Variants in TICAM1 observed in about 807,000 individuals in gnomAD.
The protein encoded by TICAM1 is TIR domain containing adaptor molecule 1.
For synonymous variants in TICAM1, 439 were observed against 415.4 expected (o/e 1.06, Z -0.69); for missense variants, 895 against 938.2 (o/e 0.95, Z 0.60).
chr19:4,823,090 T>C (rs978258159), intron 1 of TICAM1, among the ~76,000 whole-genome samples: 24 of 152,062 alleles, frequency 1.6e-4, no homozygotes, highest in African/African-American at 5.8e-4. Context: ...GAGGTGGAGG[T>C]GAGCTGATCA....
In TICAM1 at chr19:4,817,477, G is replaced by T. The variant is rs1386215939; in HGVS notation, c.901C>A (p.Pro301Thr). The change falls in exon 2 of 2, where the codon CCA becomes ACA. Residue 301 changes from proline (P) to threonine (T), a missense_variant. By Grantham distance (38) the Pro-to-Thr change is conservative. Transcript: ENST00000248244. The surrounding 1 kb of genome is among the most constrained non-coding windows in gnomAD (Gnocchi z 4.7). Reference protein sequence around the residue: ...PAAPETSTNYPVECTEGSAGP... With the variant: ...PAAPETSTNYTVECTEGSAGP... ...GCAGACCCCTCGGTGCACTCCACTG[G>T]GTAGTTGGTGCTGGTTTCTGGAGCT... is the stretch of plus-strand genomic sequence containing the variant. The T allele has an allele frequency of 6.2e-7, 1 of 1,614,110 alleles. No individual in the cohort carries two copies. The highest frequency in any genetic ancestry group is 1.7e-4 in the Middle Eastern group (1 of 6,042).
intron 1 of TICAM1, among the ~76,000 whole-genome samples, chr19:4,830,285 A>G (rs945822786): frequency 1.3e-5 from 2 of 151,792 alleles, no homozygotes; most frequent in African/African-American, 4.8e-5. Flanking sequence ...ACAGAGTCTC[A>G]CCCATGTTAC....
intron 1 of TICAM1, among the ~76,000 whole-genome samples, chr19:4,825,733 G>GGATCACCTGAGTTT (rs1275851647): frequency 1.3e-5 from 2 of 151,910 alleles, no homozygotes; most frequent in East Asian, 3.9e-4. Context: ...TGAGGCAGGT[G>GGATCACCTGAGTTT]GATCACCTGA....
chr19:4,817,420 C>G lies in TICAM1; in HGVS notation c.958G>C (p.Glu320Gln), dbSNP rs1334463581. The G allele has an allele frequency of 6.2e-7, 1 of 1,613,850 alleles. No homozygotes were observed. Among genetic ancestry groups the G allele is most frequent in the African/African-American group, 1.3e-5 (1 of 74,860 alleles). Residue 320 changes from glutamate (E) to glutamine (Q), a missense_variant, in exon 2 of 2, where the codon GAG becomes CAG. Glu to Gln is a conservative substitution (Grantham distance 29). Coordinates refer to ENST00000248244, the MANE Select transcript of TICAM1 (RefSeq NM_182919.4). The surrounding 1 kb of genome is among the most constrained non-coding windows in gnomAD (Gnocchi z 4.7). Reference protein sequence around the residue: ...GPQSLPLPILEPVKNPCSVKD... With the variant: ...GPQSLPLPILQPVKNPCSVKD... ...ACAGAGCAGGGGTTTTTGACCGGCTCCAGAATAGGCAAGGGGAGAGACTGG... is the reference window on the plus strand; with the variant it reads ...ACAGAGCAGGGGTTTTTGACCGGCTGCAGAATAGGCAAGGGGAGAGACTGG...
chr19:4,816,720 C>G lies in TICAM1; in HGVS notation c.1658G>C (p.Ser553Thr). The change falls in exon 2 of 2, where the codon AGC becomes ACC. Residue 553 changes from serine to threonine, a missense_variant. Ser to Thr is a moderately conservative substitution (Grantham distance 58, BLOSUM62 1). Transcript: ENST00000248244. The surrounding 1 kb of genome is among the most constrained non-coding windows in gnomAD (Gnocchi z 4.3). ...CATCCGCTCACCGTCCAGGTGTTGG[C>G]TCTGTTCCCGCAGGGCTCGGGTGTC... ...EQDTRALREQSQHLDGERMQA... is the reference protein window; with the variant it reads ...EQDTRALREQTQHLDGERMQA... The G allele has an allele frequency of 6.2e-7, 1 of 1,614,010 alleles. No individual in the cohort carries two copies.
In TICAM1 at chr19:4,818,282, G is replaced by A; in HGVS notation, c.96C>T (p.Thr32=). The change falls in exon 2 of 2, where the codon ACC becomes ACT. Residue 32 remains threonine, a synonymous_variant. Transcript: ENST00000248244. This position sits in a 1 kb window ranked among gnomAD's most constrained non-coding sequence, Gnocchi z 4.0. ...CCTGCCCCTGGCAGCCTGGGCGTGGGGTCTTCAGTTTGTGCTTCAGATACA... is the reference window on the plus strand; with the variant it reads ...CCTGCCCCTGGCAGCCTGGGCGTGGAGTCTTCAGTTTGTGCTTCAGATACA... The part of the protein sequence containing the change: ...KLLYLKHKLK[T]PRPGCQGQDL... 1 of 1,612,866 alleles carries A rather than the reference G, an allele frequency of 6.2e-7. No homozygotes were observed. The highest frequency in any genetic ancestry group is 8.5e-7 in the Non-Finnish European group (1 of 1,179,992).
At chr19:4,825,289 A>G (rs1416609560) in intron 1 of TICAM1, among the ~76,000 whole-genome samples, 1 of 152,038 alleles carries the variant, frequency 6.6e-6, no homozygotes, top group East Asian at 1.9e-4. Flanking sequence ...TAAAACAACA[A>G]CAACAAAAAA....
intron 1 of TICAM1, among the ~76,000 whole-genome samples, chr19:4,829,439 C>T (rs906811384): frequency 7.1e-6 from 1 of 141,496 alleles, no homozygotes; most frequent in Non-Finnish European, 1.5e-5. Flanking sequence ...CTTCTCGAGA[C>T]CCAGCAAGTT....
At chr19:4,828,475 A>G (rs2093609062) in intron 1 of TICAM1, among the ~76,000 whole-genome samples, 1 of 151,474 alleles carries the variant, frequency 6.6e-6, no homozygotes, top group South Asian at 2.1e-4. Context: ...GGCCTCCCAA[A>G]GTGCTGGGAT....
rs1191128066 is a variant in TICAM1 at position 4,823,354 on chromosome 19, A to AC, written c.-139-4839dup. Reference sequence around the variant, plus strand: ...GTGGCGGGCGCCTGTAGTCCCAGCTACTCGGGAGGCTGAGGCAGGAGAATG... The same window carrying AC: ...GTGGCGGGCGCCTGTAGTCCCAGCTACCTCGGGAGGCTGAGGCAGGAGAATG... On this transcript the variant is annotated intron_variant, in intron 1 of 1. Coordinates refer to ENST00000248244, the MANE Select transcript of TICAM1 (RefSeq NM_182919.4). Among the ~76,000 whole-genome samples, 3 of 151,802 alleles carry AC rather than the reference A, an allele frequency of 2.0e-5. No individual in the cohort carries two copies. The Admixed American group carries it at 2.0e-4, about 10-fold the overall frequency.
rs1248957351 is a variant in TICAM1 at position 4,818,604 on chromosome 19, G to A, written c.-139-88C>T. 15 of 864,696 alleles carry A rather than the reference G, an allele frequency of 1.7e-5. No homozygotes were observed. In the Admixed American group the frequency reaches 1.9e-4, roughly 11 times the overall value. The allele number at this position is 864,696 out of a possible 1,614,324, so 53.6% of individuals were successfully genotyped here. On this transcript the variant is annotated intron_variant, in intron 1 of 1. Coordinates refer to ENST00000248244, the MANE Select transcript of TICAM1 (RefSeq NM_182919.4). The surrounding 1 kb of genome is among the most constrained non-coding windows in gnomAD (Gnocchi z 4.0). ...CCACACACCCCCGCCTGCTTTCCCC[G>A]CCTGCCACCCAGACCTAGCCAGGTG...
rs2093584360 is a variant in TICAM1, at chr19:4,816,157, G to A, written c.*82C>T. 15 of 1,436,204 alleles carry A rather than the reference G, an allele frequency of 1.0e-5. No homozygotes were observed. The highest frequency in any genetic ancestry group is 1.4e-5 in the Non-Finnish European group (15 of 1,100,500). The allele number at this position is 1,436,204 out of a possible 1,614,324, so 89.0% of individuals were successfully genotyped here. On this transcript the variant is annotated 3_prime_UTR_variant, in exon 2 of 2. Transcript: ENST00000248244. The surrounding 1 kb of genome is among the most constrained non-coding windows in gnomAD (Gnocchi z 4.3). ...ATCTTCCACTGTCCACAGGGCACAG[G>A]GCAGACCGGGGTGCTCTATGGGGTC...
rs564010916 is a variant in TICAM1 at position 4,820,288 on chromosome 19, C to A, written c.-139-1772G>T. On this transcript the variant is annotated intron_variant, in intron 1 of 1. Transcript: ENST00000248244. ...ACAAAAAATTAGCTGGGCATGGTGGCAGGCGCCTGTAATCCCAGCTACTCG... is the reference window on the plus strand; with the variant it reads ...ACAAAAAATTAGCTGGGCATGGTGGAAGGCGCCTGTAATCCCAGCTACTCG... Among the ~76,000 whole-genome samples, 6 of 150,548 alleles carry A rather than the reference C, an allele frequency of 4.0e-5. No homozygotes were observed. In the South Asian group the frequency reaches 1.3e-3, roughly 32 times the overall value.
rs765805826 is a variant in TICAM1, at chr19:4,817,454, A to T, written c.924T>A (p.Ser308=). ...TNYPVECTEG[S]AGPQSLPLPI... is the part of the protein sequence containing the mutation. Reference sequence around the variant, plus strand: ...GCAAGGGGAGAGACTGGGGGCCTGCAGACCCCTCGGTGCACTCCACTGGGT... The same window carrying T: ...GCAAGGGGAGAGACTGGGGGCCTGCTGACCCCTCGGTGCACTCCACTGGGT... Residue 308 remains serine (S), a synonymous_variant, in exon 2 of 2, where the codon TCT becomes TCA. Transcript: ENST00000248244. This position sits in a 1 kb window ranked among gnomAD's most constrained non-coding sequence, Gnocchi z 4.7. 3 of 1,614,000 alleles carry T rather than the reference A, an allele frequency of 1.9e-6. No individual in the cohort carries two copies. The highest frequency in any genetic ancestry group is 2.5e-6 in the Non-Finnish European group (3 of 1,180,030).
chr19:4,816,147 C>T lies in TICAM1; in HGVS notation c.*92G>A, dbSNP rs1377553429. 5 of 1,393,464 alleles carry T rather than the reference C, an allele frequency of 3.6e-6. No homozygotes were observed. In the Admixed American group the frequency reaches 8.2e-5, roughly 23 times the overall value. The allele number at this position is 1,393,464 out of a possible 1,614,324, so 86.3% of individuals were successfully genotyped here. On this transcript the variant is annotated 3_prime_UTR_variant, in exon 2 of 2. Transcript: ENST00000248244. The surrounding 1 kb of genome is among the most constrained non-coding windows in gnomAD (Gnocchi z 4.3). ...AGATGACCTCATCTTCCACTGTCCACAGGGCACAGGGCAGACCGGGGTGCT... is the reference window on the plus strand; with the variant it reads ...AGATGACCTCATCTTCCACTGTCCATAGGGCACAGGGCAGACCGGGGTGCT...
chr19:4,817,482 T>G lies in TICAM1; in HGVS notation c.896A>C (p.Asn299Thr). 6.2e-7 allele frequency: 1 copy of G among 1,613,862 alleles called. No individual in the cohort carries two copies. Among genetic ancestry groups the G allele is most frequent in the South Asian group, 1.1e-5 (1 of 91,066 alleles). Residue 299 changes from asparagine to threonine, a missense_variant, in exon 2 of 2, where the codon AAC becomes ACC. By Grantham distance (65) the Asn-to-Thr change is moderately conservative. Transcript: ENST00000248244. This position sits in a 1 kb window ranked among gnomAD's most constrained non-coding sequence, Gnocchi z 4.7. ...DTPAAPETSTNYPVECTEGSA... is the reference protein window; with the variant it reads ...DTPAAPETSTTYPVECTEGSA... ...CCCCTCGGTGCACTCCACTGGGTAG[T>G]TGGTGCTGGTTTCTGGAGCTGCGGG... is the stretch of plus-strand genomic sequence containing the variant.
Position 4,816,354 on chromosome 19 carries a change from C to T in TICAM1, c.2024G>A (p.Gly675Glu). The change falls in exon 2 of 2, where the codon GGG becomes GAG. Residue 675 changes from glycine (G) to glutamate (E), a missense_variant. Transcript: ENST00000248244. This position sits in a 1 kb window ranked among gnomAD's most constrained non-coding sequence, Gnocchi z 4.3. ...TASPAPPQSP[G>E]LQPLIIHHAQ... ...GTGGTGGATAATGAGGGGTTGCAGC[C>T]CTGGGCTCTGAGGGGGTGCGGGTGA... 1 of 1,587,612 alleles carries T rather than the reference C, an allele frequency of 6.3e-7. No homozygotes were observed. The highest frequency in any genetic ancestry group is 8.6e-7 in the Non-Finnish European group (1 of 1,167,884).
intron 1 of TICAM1, among the ~76,000 whole-genome samples, chr19:4,829,748 C>T (rs1031428355): frequency 1.3e-5 from 2 of 150,884 alleles, no homozygotes; most frequent in African/African-American, 4.9e-5. Context: ...TAAATATTGG[C>T]AGACTTTTTC....
At position 4,816,313 on chromosome 19, in the gene TICAM1, G is replaced by A. The variant is rs1378908682; in HGVS notation, c.2065C>T (p.Leu689=). 2.6e-6 allele frequency: 4 copies of A among 1,548,924 alleles called. No homozygotes were observed. Among genetic ancestry groups the A allele is most frequent in the Non-Finnish European group, 3.5e-6 (4 of 1,149,760 alleles). The change falls in exon 2 of 2, where the codon CTG becomes TTG. Residue 689 remains leucine (L), a synonymous_variant. Transcript: ENST00000248244. This position sits in a 1 kb window ranked among gnomAD's most constrained non-coding sequence, Gnocchi z 4.3. Reference sequence around the variant, plus strand: ...TTCCACATGTGGTTGTTCAGCCCCAGCTGTACCATCTGTGCGTGGTGGATA... The same window carrying A: ...TTCCACATGTGGTTGTTCAGCCCCAACTGTACCATCTGTGCGTGGTGGATA... ...LIIHHAQMVQ[L]GLNNHMWNQR... is the part of the protein sequence containing the mutation.
Sources: gnomAD v4.1 joint callset for allele counts (sites outside exome capture counted in the v4.1 genomes callset) on GRCh38, gnomAD v4.1.1 for gene constraint, Gnocchi (gnomAD v3.1) non-coding constraint, MANE v1.5 for transcripts, NCBI Gene and HGNC (gene_info 2026-07-23, HGNC 2026-07-21) for gene names.